ZNF827: variants seen among roughly 807,000 people sequenced by gnomAD.
ZNF827 encodes the protein zinc finger protein 827.
In ZNF827, 13 loss-of-function variants were observed where a neutral mutation model predicts 102.4. The observed-to-expected ratio is 0.13, with a 90% CI of 0.08 to 0.20. The LOEUF is 0.20. ZNF827 is among the 10% of genes least tolerant of loss of function. The probability of loss-of-function intolerance (pLI) is 1.00; values close to 1 mark genes in which losing one functional copy is unlikely to be tolerated. For missense variants in ZNF827, 1,103 were observed against 1,344.4 expected, an observed-to-expected ratio of 0.82 and a Z score of 2.81; for synonymous variants, 523 against 536.2, an observed-to-expected ratio of 0.98 and a Z score of 0.34.
chr4:145,833,729 A>T (rs1400918868), intron 7 of ZNF827, among the ~76,000 whole-genome samples: 1 of 139,152 alleles, frequency 7.2e-6, no homozygotes, highest in African/African-American at 2.8e-5. Context: ...CCGTGCCCCA[A>T]CCTCTTATAT....
intron 7 of ZNF827, among the ~76,000 whole-genome samples, chr4:145,845,008 G>A (rs1476683739): frequency 2.0e-5 from 3 of 152,190 alleles, no homozygotes; most frequent in African/African-American, 7.2e-5. Context: ...AAAGTTCCTT[G>A]ATTTAAAGAC....
intron 11 of ZNF827, among the ~76,000 whole-genome samples, 175 bp downstream of exon 11, chr4:145,774,331 A>G (rs1234887495): frequency 1.3e-5 from 2 of 152,208 alleles, no homozygotes. Flanking sequence ...GCATGCCAGG[A>G]AACAGTATTA....
chr4:145,764,920 C>G, intron 13 of ZNF827, 68 bp downstream of exon 13: 1 of 1,603,828 alleles, frequency 6.2e-7, no homozygotes, highest in Non-Finnish European at 8.5e-7. Context: ...CGGGAAGGGA[C>G]GGGGTAGGGA....
chr4:145,907,827 T>A (rs1306946725), intron 1 of ZNF827, among the ~76,000 whole-genome samples: 1 of 152,236 alleles, frequency 6.6e-6, no homozygotes, highest in Non-Finnish European at 1.5e-5. Context: ...TTTGTGTGTG[T>A]TTTCCCTTTA....
intron 1 of ZNF827, among the ~76,000 whole-genome samples, chr4:145,935,394 G>T (rs1314870553): frequency 6.6e-6 from 1 of 152,204 alleles, no homozygotes; most frequent in South Asian, 2.1e-4. Context: ...CAGTTAGCAA[G>T]CCTTGGGTGA....
At chr4:145,842,193 C>T (rs116557973) in intron 7 of ZNF827, among the ~76,000 whole-genome samples, 2 of 152,264 alleles carry the variant, frequency 1.3e-5, no homozygotes, top group Non-Finnish European at 2.9e-5. Context: ...TTCACCTAAA[C>T]CCCTTTAAAA....
chr4:145,867,246 C>T (rs933685534), intron 5 of ZNF827, among the ~76,000 whole-genome samples: 4 of 152,180 alleles, frequency 2.6e-5, no homozygotes, highest in East Asian at 1.9e-4. Flanking sequence ...AAATAGAACT[C>T]GAACCACAGG....
intron 5 of ZNF827, among the ~76,000 whole-genome samples, chr4:145,855,170 A>C (rs1391096204): frequency 6.6e-6 from 1 of 152,234 alleles, no homozygotes. Context: ...TATAAACAAT[A>C]TCAATTGGTC....
chr4:145,900,853 T>G (rs903203357), intron 2 of ZNF827, among the ~76,000 whole-genome samples: 1 of 152,150 alleles, frequency 6.6e-6, no homozygotes, highest in Non-Finnish European at 1.5e-5. Flanking sequence ...TTTTACCCAT[T>G]TCTCTCCTTA....
chr4:145,931,976 G>A (rs918472811), intron 1 of ZNF827, among the ~76,000 whole-genome samples: 1 of 152,166 alleles, frequency 6.6e-6, no homozygotes, highest in African/African-American at 2.4e-5. Flanking sequence ...GCCTTTGGGA[G>A]GTGACTAGAT....
At position 145,798,897 on chromosome 4, in the gene ZNF827, A is replaced by C. The variant is rs190316756; in HGVS notation, c.2384-19386T>G. 1.8e-3 allele frequency among the ~76,000 whole-genome samples: 279 copies of C among 152,350 alleles called. 1 individual carries two copies. The highest frequency in any genetic ancestry group is 6.6e-3 in the African/African-American group (273 of 41,576). On this transcript the variant is annotated intron_variant, in intron 8 of 14. Coordinates refer to ENST00000508784, the MANE Select transcript of ZNF827 (RefSeq NM_001306215.2). ...AATGTCTTTATTGAGAAGTAAAGAA[A>C]GAATGTTCACAAATTTAATGATCTC...
chr4:145,864,712 C>T (rs1376298811), intron 5 of ZNF827, among the ~76,000 whole-genome samples: 4 of 152,116 alleles, frequency 2.6e-5, no homozygotes, highest in Non-Finnish European at 4.4e-5. Context: ...GATTTTTGGA[C>T]TTACTAGACT....
At chr4:145,805,492 GCA>G (rs1579240826) in intron 8 of ZNF827, among the ~76,000 whole-genome samples, 1 of 152,132 alleles carries the variant, frequency 6.6e-6, no homozygotes, top group East Asian at 1.9e-4. Flanking sequence ...AAAGGAACAT[GCA>G]CAGATTCCAT....
At chr4:145,882,263 T>G (rs1051913889) in intron 4 of ZNF827, among the ~76,000 whole-genome samples, 2 of 152,076 alleles carry the variant, frequency 1.3e-5, no homozygotes, top group African/African-American at 4.8e-5. Context: ...AGGCCTGGAG[T>G]CCTCTCAGGT....
chr4:145,783,075 T>C (rs1200577450), intron 8 of ZNF827, among the ~76,000 whole-genome samples: 3 of 79,712 alleles, frequency 3.8e-5, no homozygotes, highest in Non-Finnish European at 8.2e-5. Context: ...CTATAAGCCA[T>C]ATATATATAT....
chr4:145,808,615 G>A (rs1419681555), intron 8 of ZNF827, among the ~76,000 whole-genome samples: 1 of 152,158 alleles, frequency 6.6e-6, no homozygotes, highest in African/African-American at 2.4e-5. Context: ...ACAGATAAAC[G>A]CAGAACATTC....
chr4:145,791,611 A>G (rs1209532864), intron 8 of ZNF827, among the ~76,000 whole-genome samples: 1 of 152,168 alleles, frequency 6.6e-6, no homozygotes, highest in Non-Finnish European at 1.5e-5. Context: ...CTATTATATC[A>G]TTCTCAATAA....
chr4:145,764,868 C>G (rs1469650388), intron 13 of ZNF827, 120 bp downstream of exon 13: 2 of 1,410,452 alleles, frequency 1.4e-6, no homozygotes, highest in Admixed American at 3.5e-5. Flanking sequence ...ACTAACTCCT[C>G]TCATACCAAG....
intron 1 of ZNF827, among the ~76,000 whole-genome samples, chr4:145,921,470 C>CA (rs35423633): frequency 0.016 from 852 of 53,680 alleles, 5 homozygotes; most frequent in African/African-American, 0.032. Context: ...GAGACTCAGG[C>CA]AAAAAAAAAA....
Sources: gnomAD v4.1 joint callset for allele counts (sites outside exome capture counted in the v4.1 genomes callset) on GRCh38, gnomAD v4.1.1 for gene constraint, MANE v1.5 for transcripts, NCBI Gene and HGNC (gene_info 2026-07-23, HGNC 2026-07-21) for gene names.